Variants in ZCCHC7 observed in about 807,000 individuals in gnomAD.
ZCCHC7 encodes the protein zinc finger CCHC domain-containing protein 7.
Under a neutral mutation model 52.0 loss-of-function variants are expected in ZCCHC7, and 35 were observed. The ratio of observed to expected loss-of-function variants is 0.67; its 90% CI spans 0.51 to 0.89. The LOEUF is 0.89. Among genes scored for constraint, ZCCHC7 ranks in the 40% least tolerant of loss-of-function variants. ZCCHC7 has a pLI of 0.00. For synonymous variants in ZCCHC7, 217 were observed against 221.5 expected (o/e 0.98, Z 0.18); for missense variants, 574 against 649.1 (o/e 0.88, Z 1.26).
At chr9:37,293,475 C>T (rs1044917484) in intron 2 of ZCCHC7, among the ~76,000 whole-genome samples, 1 of 152,198 alleles carries the variant, frequency 6.6e-6, no homozygotes, top group Admixed American at 6.5e-5. Flanking sequence ...TTAAAAGTAG[C>T]TTCTTGATTA....
intron 1 of ZCCHC7, among the ~76,000 whole-genome samples, chr9:37,125,051 C>T (rs1242068505): frequency 1.3e-5 from 2 of 152,184 alleles, no homozygotes; most frequent in Non-Finnish European, 2.9e-5. Context: ...GTAGTTTCAC[C>T]ATCTTGGCTA....
At chr9:37,225,048 T>A (rs1825023929) in intron 2 of ZCCHC7, among the ~76,000 whole-genome samples, 1 of 152,242 alleles carries the variant, frequency 6.6e-6, no homozygotes, top group Non-Finnish European at 1.5e-5. Context: ...CCCTGGATTA[T>A]TATTGAATTA....
intron 2 of ZCCHC7, among the ~76,000 whole-genome samples, chr9:37,169,927 G>A (rs1331125385): frequency 2.6e-5 from 4 of 151,948 alleles, no homozygotes; most frequent in African/African-American, 4.8e-5. Flanking sequence ...ATAGGGCTTG[G>A]TGGCATGCAT....
chr9:37,282,821 A>G lies in ZCCHC7; in HGVS notation c.611-19367A>G, dbSNP rs184261214. On this transcript the variant is annotated intron_variant, in intron 2 of 8. Transcript: ENST00000336755. ...CACTCCAGCCTGGCTCTGGCTTAAA[A>G]AAAAGGCGGGGGGAGTGAGGGGGTA... is the stretch of plus-strand genomic sequence containing the variant. 2.4e-3 allele frequency among the ~76,000 whole-genome samples: 368 copies of G among 151,552 alleles called. 3 individuals are homozygous for G. Among genetic ancestry groups the G allele is most frequent in the Non-Finnish European group, 4.3e-3 (289 of 67,894 alleles).
At chr9:37,146,759 A>T (rs1241825106) in intron 2 of ZCCHC7, among the ~76,000 whole-genome samples, 2 of 152,046 alleles carry the variant, frequency 1.3e-5, no homozygotes, top group South Asian at 4.1e-4. Context: ...AGATTTAAAA[A>T]TTTTGTTTCT....
At chr9:37,176,294 C>T (rs185408601) in intron 2 of ZCCHC7, among the ~76,000 whole-genome samples, 5 of 152,166 alleles carry the variant, frequency 3.3e-5, no homozygotes, top group East Asian at 3.9e-4. Context: ...AGGATGGTCT[C>T]GATCTCCTGA....
At chr9:37,123,402 A>G (rs903706975) in intron 1 of ZCCHC7, among the ~76,000 whole-genome samples, 4 of 152,180 alleles carry the variant, frequency 2.6e-5, no homozygotes, top group African/African-American at 7.2e-5. Context: ...GCCCAGCACA[A>G]TTTTCAAGTA....
chr9:37,354,480 T>C lies in ZCCHC7; in HGVS notation c.1084-230T>C, dbSNP rs1339188296. On this transcript the variant is annotated intron_variant, in intron 7 of 8. Transcript: ENST00000336755. The surrounding 1 kb of genome is among the most constrained non-coding windows in gnomAD (Gnocchi z 4.0). Reference sequence around the variant, plus strand: ...CTGAAAAAAGATACGAAGGGTTTCATAGGTAAAGAAGTAAGGGAAGAAAAC... The same window carrying C: ...CTGAAAAAAGATACGAAGGGTTTCACAGGTAAAGAAGTAAGGGAAGAAAAC... Among the ~76,000 whole-genome samples the C allele has an allele frequency of 6.6e-6, 1 of 152,064 alleles. No individual in the cohort carries two copies. The highest frequency in any genetic ancestry group is 1.5e-5 in the Non-Finnish European group (1 of 68,012).
chr9:37,237,873 G>A (rs1055786234), intron 2 of ZCCHC7, among the ~76,000 whole-genome samples: 6 of 151,962 alleles, frequency 3.9e-5, no homozygotes, highest in African/African-American at 1.4e-4. Flanking sequence ...GCATTATAAA[G>A]GAGACATTTA....
chr9:37,354,910 C>A lies in ZCCHC7; in HGVS notation c.1198+86C>A. ...TACTGTCTTTGCCTGCTTTGGGGGTCATTGGTTAGCATAGAAAGTATTTTT... is the reference window on the plus strand; with the variant it reads ...TACTGTCTTTGCCTGCTTTGGGGGTAATTGGTTAGCATAGAAAGTATTTTT... On this transcript the variant is annotated intron_variant, in intron 8 of 8. Coordinates refer to ENST00000336755, the MANE Select transcript of ZCCHC7 (RefSeq NM_032226.3). The surrounding 1 kb of genome is among the most constrained non-coding windows in gnomAD (Gnocchi z 4.0). 2.6e-6 allele frequency: 2 copies of A among 775,712 alleles called. No individual in the cohort carries two copies. Among genetic ancestry groups the A allele is most frequent in the Non-Finnish European group, 4.1e-6 (2 of 489,182 alleles). 48.1% of individuals were successfully genotyped at this position (775,712 alleles called of 1,614,324 possible). A position where few individuals can be genotyped will look rare whatever the true frequency, so the allele number is the denominator to read the frequency against.
chr9:37,126,621 G>A lies in ZCCHC7; in HGVS notation c.289G>A (p.Glu97Lys), dbSNP rs748395758. 2.5e-6 allele frequency: 4 copies of A among 1,614,172 alleles called. No individual in the cohort carries two copies. In the East Asian group the frequency reaches 8.9e-5, roughly 36 times the overall value. The stretch of plus-strand genomic sequence containing the variant: ...GTCAGAGGTCATCACTTTGTCTGAT[G>A]AAGACAGTATTTATAGATGTAAAGG... ...DGSEVITLSD[E>K]DSIYRCKGKN... The change falls in exon 2 of 9, where the codon GAA becomes AAA. Residue 97 changes from glutamate to lysine, a missense_variant. Physicochemically the swap from Glu to Lys is moderately conservative, Grantham distance 56. This residue lies in a region of ZCCHC7 where 403 missense variants were observed against 461.2 expected (regional missense o/e 0.87). Transcript: ENST00000336755.
intron 2 of ZCCHC7, among the ~76,000 whole-genome samples, chr9:37,178,087 T>C (rs1934018085): frequency 6.6e-6 from 1 of 152,216 alleles, no homozygotes; most frequent in South Asian, 2.1e-4. Flanking sequence ...CGTTGTACTA[T>C]CTTCACAATT....
intron 2 of ZCCHC7, among the ~76,000 whole-genome samples, chr9:37,222,373 GTGTGTT>G (rs1824870258): frequency 7.5e-6 from 1 of 133,078 alleles, no homozygotes; most frequent in South Asian, 2.5e-4. Flanking sequence ...GTGTGTGTGT[GTGTGTT>G]TTCAAGTATA....
At chr9:37,142,942 G>A (rs1416989255) in intron 2 of ZCCHC7, among the ~76,000 whole-genome samples, 2 of 151,754 alleles carry the variant, frequency 1.3e-5, no homozygotes, top group African/African-American at 2.4e-5. Flanking sequence ...GCAAATGTTC[G>A]TGGAAAATGT....
intron 2 of ZCCHC7, among the ~76,000 whole-genome samples, chr9:37,283,872 T>C (rs1828086156): frequency 1.3e-5 from 2 of 152,264 alleles, no homozygotes; most frequent in South Asian, 4.1e-4. Flanking sequence ...CTGCCCTTTT[T>C]ACTGTTTAAC....
chr9:37,341,482 C>CA (rs1475223874), intron 6 of ZCCHC7, among the ~76,000 whole-genome samples: 1 of 152,082 alleles, frequency 6.6e-6, no homozygotes, highest in Non-Finnish European at 1.5e-5. Flanking sequence ...CAGCAGTGAA[C>CA]AAAAACAGAC....
chr9:37,146,240 G>A (rs527876469), intron 2 of ZCCHC7, among the ~76,000 whole-genome samples: 2 of 151,788 alleles, frequency 1.3e-5, no homozygotes, highest in South Asian at 2.1e-4. Context: ...AAAATTTGAC[G>A]ATCCCAATAG....
chr9:37,175,057 A>AC (rs1332504066), intron 2 of ZCCHC7, among the ~76,000 whole-genome samples: 1 of 151,526 alleles, frequency 6.6e-6, no homozygotes, highest in Non-Finnish European at 1.5e-5. Context: ...AATTGCGTGA[A>AC]CCCGGGAGGT....
At chr9:37,153,514 C>T (rs114520940) in intron 2 of ZCCHC7, among the ~76,000 whole-genome samples, 7,693 of 151,742 alleles carry the variant, frequency 0.051, 635 homozygotes, top group African/African-American at 0.17. Flanking sequence ...AGGGTTCACT[C>T]TGTTTCCCAG....
Sources: allele counts gnomAD v4.1 joint callset (sites outside exome capture counted in the v4.1 genomes callset), GRCh38; gene constraint gnomAD v4.1.1; regional missense constraint gnomAD v4.1.1; non-coding constraint Gnocchi (gnomAD v3.1); transcripts MANE v1.5; gene names NCBI Gene and HGNC (gene_info 2026-07-23, HGNC 2026-07-21).